Variants in UBR2 observed in about 807,000 individuals in gnomAD.
The protein encoded by UBR2 is ubiquitin protein ligase E3 component n-recognin 2, also known as E3 ubiquitin-protein ligase UBR2.
A neutral mutation model predicts 247.9 loss-of-function variants in UBR2; 92 were observed. That is an observed-to-expected ratio of 0.37 (90% CI 0.31 to 0.44). The LOEUF is 0.44. Among genes scored for constraint, UBR2 ranks in the 20% least tolerant of loss-of-function variants. UBR2 has a pLI of 1.00. For missense variants in UBR2, 1,613 were observed against 2,112.6 expected (o/e 0.76, Z 4.64); for synonymous variants, 672 against 693.5 (o/e 0.97, Z 0.49).
chr6:42,686,287 G>A (rs1460542088), intron 44 of UBR2, among the ~76,000 whole-genome samples: 1 of 151,564 alleles, frequency 6.6e-6, no homozygotes, highest in Non-Finnish European at 1.5e-5. Flanking sequence ...GACTCTTAAC[G>A]AGCATGCTGC....
intron 10 of UBR2, 27 bp downstream of exon 10, chr6:42,616,117 A>C (rs780978715): frequency 2.0e-6 from 3 of 1,535,882 alleles, no homozygotes; most frequent in Non-Finnish European, 2.7e-6. Context: ...TTTTGAAAAT[A>C]GGTTATATAT....
intron 25 of UBR2, 76 bp downstream of exon 25, chr6:42,652,721 C>T (rs2151967496): frequency 7.4e-7 from 1 of 1,344,344 alleles, no homozygotes; most frequent in African/African-American, 1.5e-5. Flanking sequence ...TGTATCTATA[C>T]ACAGGAAAAC....
At chr6:42,588,491 A>C (rs545110928) in intron 2 of UBR2, among the ~76,000 whole-genome samples, 4 of 152,250 alleles carry the variant, frequency 2.6e-5, no homozygotes, top group South Asian at 2.1e-4. Context: ...ACAACATACC[A>C]AGATGCTGTC....
chr6:42,591,351 GGT>G, intron 2 of UBR2, among the ~76,000 whole-genome samples: 1 of 152,284 alleles, frequency 6.6e-6, no homozygotes, highest in South Asian at 2.1e-4. Context: ...TTAGGAGCCT[GGT>G]GTCAGGAACC....
chr6:42,663,436 G>T lies in UBR2; in HGVS notation c.3698+17G>T, dbSNP rs374569080. 454 of 1,597,374 alleles carry T rather than the reference G, an allele frequency of 2.8e-4. 2 individuals carry two copies. The highest frequency in any genetic ancestry group is 1.7e-3 in the Middle Eastern group (10 of 6,002). On this transcript the variant is annotated intron_variant, in intron 32 of 46. Coordinates refer to ENST00000372901, the MANE Select transcript of UBR2 (RefSeq NM_001363705.2). The stretch of plus-strand genomic sequence containing the variant: ...TTTTAACAAGTAAGTTTTGGCTCAT[G>T]ACAACTATTACAAAGCAATAGTTTG...
chr6:42,634,382 C>T (rs1248745504), intron 13 of UBR2: 1 of 207,106 alleles, frequency 4.8e-6, no homozygotes, highest in African/African-American at 2.4e-5. Context: ...TAGTAGCCAC[C>T]TGGCTTTCTT....
intron 38 of UBR2, among the ~76,000 whole-genome samples, chr6:42,675,359 T>C (rs1421657554): frequency 6.6e-6 from 1 of 152,110 alleles, no homozygotes; most frequent in Non-Finnish European, 1.5e-5. Context: ...ATCAGAGATA[T>C]TAATTTGTGT....
At chr6:42,685,642 G>A (rs970228430) in intron 44 of UBR2, among the ~76,000 whole-genome samples, 3 of 150,296 alleles carry the variant, frequency 2.0e-5, no homozygotes, top group Non-Finnish European at 4.4e-5. Flanking sequence ...TTTTTTTTTT[G>A]TATTTTTAGT....
intron 11 of UBR2, among the ~76,000 whole-genome samples, chr6:42,631,197 A>T (rs575808478): frequency 1.8e-4 from 28 of 152,010 alleles, no homozygotes; most frequent in Non-Finnish European, 3.4e-4. Flanking sequence ...CATCAATAAC[A>T]CTCTAGAATC....
chr6:42,622,287 G>A (rs983133919), intron 11 of UBR2, among the ~76,000 whole-genome samples: 1 of 152,060 alleles, frequency 6.6e-6, no homozygotes, highest in Non-Finnish European at 1.5e-5. Flanking sequence ...CCAAAGTGCT[G>A]GGATTACAGG....
intron 36 of UBR2, among the ~76,000 whole-genome samples, chr6:42,673,129 G>A (rs950230634): frequency 6.6e-6 from 1 of 152,140 alleles, no homozygotes; most frequent in Non-Finnish European, 1.5e-5. Flanking sequence ...TTTAATAGCT[G>A]CAGGCACCCT....
chr6:42,608,407 C>T (rs1793852833), intron 7 of UBR2, among the ~76,000 whole-genome samples: 1 of 152,108 alleles, frequency 6.6e-6, no homozygotes, highest in Non-Finnish European at 1.5e-5. Flanking sequence ...AAGAGGATCG[C>T]TTGAGGCCAA....
chr6:42,686,890 C>T lies in UBR2; in HGVS notation c.4854-1326C>T, dbSNP rs1369958261. ...ACACTCCTCACCTCCCAGACAGGGTCGCGGCCGGGCAGAGGCGCTCCTCAC... is the reference window on the plus strand; with the variant it reads ...ACACTCCTCACCTCCCAGACAGGGTTGCGGCCGGGCAGAGGCGCTCCTCAC... On this transcript the variant is annotated intron_variant, in intron 44 of 46. Coordinates refer to ENST00000372901, the MANE Select transcript of UBR2 (RefSeq NM_001363705.2). Among the ~76,000 whole-genome samples, 354 of 135,880 alleles carry T rather than the reference C, an allele frequency of 2.6e-3. 2 individuals carry two copies. Among genetic ancestry groups the T allele is most frequent in the Admixed American group, 8.7e-3 (119 of 13,684 alleles). 89.1% of individuals were successfully genotyped at this position (135,880 alleles called of 152,430 possible). A position where few individuals can be genotyped will look rare whatever the true frequency, so the allele number is the denominator to read the frequency against.
intron 4 of UBR2, among the ~76,000 whole-genome samples, chr6:42,600,015 T>A (rs1280225528): frequency 2.6e-5 from 4 of 152,246 alleles, no homozygotes; most frequent in Non-Finnish European, 4.4e-5. Flanking sequence ...AAAGTCAGTT[T>A]ATGAGATAAT....
rs1799093337 is a variant in UBR2, at chr6:42,682,124, T to C, written c.4719-931T>C. Among the ~76,000 whole-genome samples, 5 of 152,282 alleles carry C rather than the reference T, an allele frequency of 3.3e-5. No homozygotes were observed. In the South Asian group the frequency reaches 1.0e-3, roughly 32 times the overall value. ...ACACATGCTACAACGTGGATGAACC[T>C]TGAGGACGTGTGCTAAGTGAAATAA... On this transcript the variant is annotated intron_variant, in intron 42 of 46. Coordinates refer to ENST00000372901, the MANE Select transcript of UBR2 (RefSeq NM_001363705.2).
intron 4 of UBR2, among the ~76,000 whole-genome samples, chr6:42,594,837 A>G (rs1792870607): frequency 6.6e-6 from 1 of 152,156 alleles, no homozygotes; most frequent in Non-Finnish European, 1.5e-5. Flanking sequence ...TTTTTCTTAA[A>G]TGGATTTGTA....
intron 2 of UBR2, among the ~76,000 whole-genome samples, chr6:42,581,278 C>T (rs954561916): frequency 6.6e-6 from 1 of 151,900 alleles, no homozygotes; most frequent in Admixed American, 6.6e-5. Flanking sequence ...CAACCTCTGC[C>T]TTCTGGTTTC....
chr6:42,591,440 A>G (rs1022446029), intron 2 of UBR2, among the ~76,000 whole-genome samples: 3 of 152,174 alleles, frequency 2.0e-5, no homozygotes, highest in Admixed American at 1.3e-4. Flanking sequence ...TTCTCTTAAG[A>G]TATGATCTAT....
chr6:42,690,657 AT>A (rs1276640091), intron 46 of UBR2, among the ~76,000 whole-genome samples: 1 of 151,888 alleles, frequency 6.6e-6, no homozygotes, highest in Non-Finnish European at 1.5e-5. Context: ...TACTCCTATA[AT>A]TCTTCTTTTG....
Sources: gnomAD v4.1 joint callset for allele counts (sites outside exome capture counted in the v4.1 genomes callset) on GRCh38, gnomAD v4.1.1 for gene constraint, MANE v1.5 for transcripts, NCBI Gene and HGNC (gene_info 2026-07-23, HGNC 2026-07-21) for gene names.